The following GABRG3 variants were observed in gnomAD, a reference collection of about 807,000 sequenced individuals.
GABRG3 encodes gamma-aminobutyric acid type A receptor subunit gamma3, also known as gamma-aminobutyric acid receptor subunit gamma-3.
GABRG3 carries 25 observed loss-of-function variants against 48.8 expected under a neutral mutation model. The ratio of observed to expected loss-of-function variants is 0.51; its 90% CI spans 0.37 to 0.72. The LOEUF is 0.72. Ranked by LOEUF, GABRG3 falls within the 30% of genes least tolerant of loss-of-function variation. GABRG3 has a pLI of 0.00. For synonymous variants in GABRG3, 227 were observed against 217.6 expected, an observed-to-expected ratio of 1.04 and a Z score of -0.38; for missense variants, 394 against 577.9, an observed-to-expected ratio of 0.68 and a Z score of 3.26.
chr15:27,248,663 T>A (rs1160727864), intron 3 of GABRG3, among the ~76,000 whole-genome samples: 1 of 152,088 alleles, frequency 6.6e-6, no homozygotes, highest in Non-Finnish European at 1.5e-5. Context: ...TCTTGTCACC[T>A]TCTTGGTACT....
chr15:27,186,187 C>T (rs547661189), intron 3 of GABRG3, among the ~76,000 whole-genome samples: 6 of 152,132 alleles, frequency 3.9e-5, no homozygotes, highest in East Asian at 1.9e-4. Context: ...CCTCTTTCCT[C>T]GAGTAGTCCC....
intron 5 of GABRG3, among the ~76,000 whole-genome samples, chr15:27,386,802 G>T (rs183899231): frequency 6.6e-6 from 1 of 152,254 alleles, no homozygotes; most frequent in Non-Finnish European, 1.5e-5. Context: ...CCAATATCTA[G>T]ACATTTTTAA....
intron 3 of GABRG3, among the ~76,000 whole-genome samples, chr15:27,321,108 G>T (rs1758676656): frequency 6.6e-6 from 1 of 152,208 alleles, no homozygotes; most frequent in Admixed American, 6.5e-5. Context: ...TCAGCCTGGT[G>T]GTCTGGGGAC....
At chr15:27,185,047 A>G (rs879673683) in intron 3 of GABRG3, among the ~76,000 whole-genome samples, 1 of 149,994 alleles carries the variant, frequency 6.7e-6, no homozygotes, top group Non-Finnish European at 1.5e-5. Context: ...TTTTGTTCTT[A>G]TTTTCATTAT....
In GABRG3 at chr15:27,145,234, G is replaced by C. The variant is rs147046126; in HGVS notation, c.270+118413G>C. ...TCAGTCATTGGACTTCTTAGACAAG[G>C]ACTTTAAATCAGCTACCTTAAGAAC... On this transcript the variant is annotated intron_variant, in intron 3 of 9. Transcript: ENST00000615808. Among the ~76,000 whole-genome samples, 513 of 152,038 alleles carry C rather than the reference G, an allele frequency of 3.4e-3. 9 individuals carry two copies. The highest frequency in any genetic ancestry group is 0.012 in the African/African-American group (500 of 41,494).
intron 3 of GABRG3, among the ~76,000 whole-genome samples, chr15:27,310,745 T>C (rs1237727636): frequency 1.3e-5 from 2 of 152,120 alleles, no homozygotes; most frequent in Non-Finnish European, 2.9e-5. Flanking sequence ...AAAGCTACAA[T>C]GAGAAGGATA....
At chr15:27,145,321 C>T (rs1898178538) in intron 3 of GABRG3, among the ~76,000 whole-genome samples, 3 of 151,378 alleles carry the variant, frequency 2.0e-5, no homozygotes, top group Admixed American at 2.0e-4. Flanking sequence ...GACATCTCAC[C>T]AAATGGAGAT....
intron 3 of GABRG3, among the ~76,000 whole-genome samples, chr15:27,178,886 T>G (rs1887831489): frequency 6.6e-6 from 1 of 152,166 alleles, no homozygotes; most frequent in South Asian, 2.1e-4. Context: ...TGGGCCAGGT[T>G]TTACACAGAT....
At chr15:27,181,138 G>A (rs1887917327) in intron 3 of GABRG3, among the ~76,000 whole-genome samples, 1 of 152,166 alleles carries the variant, frequency 6.6e-6, no homozygotes. Flanking sequence ...GCACCTGTGG[G>A]GAGGAGCAGT....
At chr15:27,419,305 C>T (rs541530821) in intron 5 of GABRG3, among the ~76,000 whole-genome samples, 14 of 152,246 alleles carry the variant, frequency 9.2e-5, no homozygotes, top group Admixed American at 7.2e-4. Context: ...TTCATGACCA[C>T]CCGGCCCTCA....
rs529921225 is a variant in GABRG3 at position 27,523,966 on chromosome 15, AT to A, written c.866-3466del. ...GAGAAATAGAATGGGGCTAAAAAAA[AT>A]ATTCAAAGAAACAATGGATAAAAAA... On this transcript the variant is annotated intron_variant, in intron 7 of 9. Transcript: ENST00000615808. Among the ~76,000 whole-genome samples, 430 of 152,196 alleles carry A rather than the reference AT, an allele frequency of 2.8e-3. 3 individuals are homozygous for A. The highest frequency in any genetic ancestry group is 1.0e-2 in the African/African-American group (414 of 41,578).
rs1016910607 is a variant in GABRG3, at chr15:27,179,263, G to A, written c.271-147546G>A. 1.4e-4 allele frequency among the ~76,000 whole-genome samples: 21 copies of A among 152,210 alleles called. No individual in the cohort carries two copies. The highest frequency in any genetic ancestry group is 2.2e-4 in the African/African-American group (9 of 41,518). ...TGATTTGCCATTTCAAACATGCCCC[G>A]CGTGGCAATCCACCTTCCCCTCAGG... is the stretch of plus-strand genomic sequence containing the variant. On this transcript the variant is annotated intron_variant, in intron 3 of 9. Transcript: ENST00000615808. This position sits in a 1 kb window ranked among gnomAD's most constrained non-coding sequence, Gnocchi z 4.0.
At chr15:27,171,698 G>A (rs1887578243) in intron 3 of GABRG3, among the ~76,000 whole-genome samples, 1 of 152,000 alleles carries the variant, frequency 6.6e-6, no homozygotes, top group Admixed American at 6.6e-5. Context: ...TATATTCTTA[G>A]AGATGTTACC....
chr15:27,531,835 C>T (rs1474036428), intron 9 of GABRG3, among the ~76,000 whole-genome samples: 1 of 152,156 alleles, frequency 6.6e-6, no homozygotes, highest in Non-Finnish European at 1.5e-5. Context: ...GTATGTTGTT[C>T]TCTCTCCTTT....
intron 5 of GABRG3, among the ~76,000 whole-genome samples, chr15:27,441,796 TC>T (rs1888793927): frequency 6.6e-6 from 1 of 152,166 alleles, no homozygotes; most frequent in Non-Finnish European, 1.5e-5. Flanking sequence ...ACGGAGTTGT[TC>T]CCATGACACT....
intron 3 of GABRG3, among the ~76,000 whole-genome samples, chr15:27,190,862 T>G (rs1002974687): frequency 6.6e-6 from 1 of 152,184 alleles, no homozygotes. Flanking sequence ...TCGTGGGCAT[T>G]TAGTGCTGTA....
At chr15:27,509,647 T>C (rs1386133043) in intron 6 of GABRG3, among the ~76,000 whole-genome samples, 1 of 152,226 alleles carries the variant, frequency 6.6e-6, no homozygotes, top group African/African-American at 2.4e-5. Context: ...AAAGCATGCT[T>C]AACCTCTCTT....
chr15:27,261,667 G>A (rs1387930758), intron 3 of GABRG3, among the ~76,000 whole-genome samples: 1 of 151,882 alleles, frequency 6.6e-6, no homozygotes, highest in Non-Finnish European at 1.5e-5. Context: ...TGTTGACAAA[G>A]ACTTATGAGT....
intron 6 of GABRG3, among the ~76,000 whole-genome samples, chr15:27,511,138 A>G (rs773591148): frequency 1.6e-4 from 25 of 152,246 alleles, no homozygotes; most frequent in Admixed American, 9.2e-4. Context: ...AAATCTGCCA[A>G]TACAAGGAAT....
Sources: gnomAD v4.1 joint callset for allele counts (sites outside exome capture counted in the v4.1 genomes callset) on GRCh38, gnomAD v4.1.1 for gene constraint, Gnocchi (gnomAD v3.1) non-coding constraint, MANE v1.5 for transcripts, NCBI Gene and HGNC (gene_info 2026-07-23, HGNC 2026-07-21) for gene names.